LRRCC1: variants seen among roughly 807,000 people sequenced by gnomAD.
LRRCC1 encodes leucine-rich repeat and coiled-coil domain-containing protein 1.
A neutral mutation model predicts 126.0 loss-of-function variants in LRRCC1; 115 were observed. The observed-to-expected ratio is 0.91, with a 90% confidence interval of 0.78 to 1.07. LRRCC1 has a LOEUF of 1.07. LRRCC1 is among the 50% of genes least tolerant of loss of function. The pLI is 0.00. For missense variants in LRRCC1, 1,172 were observed against 1,175.7 expected (o/e 1.00, Z 0.05); for synonymous variants, 400 against 393.4 (o/e 1.02, Z -0.20).
chr8:85,110,206 G>C, intron 3 of LRRCC1, 26 bp downstream of exon 3: 2 of 1,014,764 alleles, frequency 2.0e-6, no homozygotes, highest in East Asian at 2.7e-5. Context: ...TATGTTTTCT[G>C]TATGCTAAAT....
At chr8:85,112,663 C>T (rs908103135) in intron 3 of LRRCC1, among the ~76,000 whole-genome samples, 1 of 152,156 alleles carries the variant, frequency 6.6e-6, no homozygotes, top group Non-Finnish European at 1.5e-5. Flanking sequence ...GTGCATCCAC[C>T]TGGGGAAGTT....
At position 85,135,875 on chromosome 8, in the gene LRRCC1, G is replaced by A. The variant is rs1420046131; in HGVS notation, c.2241G>A (p.Gln747=). The A allele has an allele frequency of 1.2e-6, 2 of 1,607,978 alleles. No individual in the cohort carries two copies. The highest frequency in any genetic ancestry group is 1.7e-6 in the Non-Finnish European group (2 of 1,176,794). Residue 747 remains glutamine (Q), a synonymous_variant, in exon 14 of 19, where the codon CAG becomes CAA. Coordinates refer to ENST00000360375, the MANE Select transcript of LRRCC1 (RefSeq NM_033402.5). ...QIELLKHEKV[Q]LISELAAKES... Reference sequence around the variant, plus strand: ...AACTTCTCAAGCACGAAAAAGTCCAGCTTATTTCTGAGCTAGCAGCCAAGG... The same window carrying A: ...AACTTCTCAAGCACGAAAAAGTCCAACTTATTTCTGAGCTAGCAGCCAAGG...
In LRRCC1 at chr8:85,129,307, T is replaced by C; in HGVS notation, c.1554T>C (p.Leu518=). Residue 518 remains leucine (L), a synonymous_variant, in exon 10 of 19, where the codon CTT becomes CTC. Transcript: ENST00000360375. ...MKAKDQQEDH[L]KHLRTLEKTL... ...CAAAAGATCAACAAGAGGATCACCT[T>C]AAACACTTAAGAACCCTCGAAAAAA... 1 of 1,613,680 alleles carries C rather than the reference T, an allele frequency of 6.2e-7. No individual in the cohort carries two copies. Among genetic ancestry groups the C allele is most frequent in the Non-Finnish European group, 8.5e-7 (1 of 1,179,890 alleles).
At chr8:85,135,674 G>T in intron 13 of LRRCC1, 115 bp from the exon 14 acceptor site, 1 of 606,642 alleles carries the variant, frequency 1.6e-6, no homozygotes, top group Non-Finnish European at 2.4e-6. Context: ...TGTAAAATTT[G>T]GTAATATTTA....
chr8:85,125,336 G>A (rs923117863), intron 8 of LRRCC1, among the ~76,000 whole-genome samples: 2 of 152,006 alleles, frequency 1.3e-5, no homozygotes, highest in African/African-American at 4.8e-5. Flanking sequence ...AGGTTTTCAT[G>A]GACTTTCCTG....
At chr8:85,144,156 C>T (rs1157181547) in intron 18 of LRRCC1, among the ~76,000 whole-genome samples, 3 of 151,882 alleles carry the variant, frequency 2.0e-5, no homozygotes, top group African/African-American at 7.3e-5. Flanking sequence ...ATATAACCAC[C>T]AACAGTGTTT....
At chr8:85,144,763 C>A (rs1811544258) in intron 18 of LRRCC1, among the ~76,000 whole-genome samples, 1 of 140,080 alleles carries the variant, frequency 7.1e-6, no homozygotes, top group Non-Finnish European at 1.6e-5. Flanking sequence ...CACACCCGGC[C>A]AAGTTAAAAT....
At chr8:85,141,550 T>C (rs773123697) in intron 18 of LRRCC1, 33 bp downstream of exon 18, 1 of 1,469,906 alleles carries the variant, frequency 6.8e-7, no homozygotes, top group Non-Finnish European at 9.3e-7. Context: ...CAATAATCAG[T>C]ATATTACATG....
chr8:85,124,605 A>C (rs1367759327), intron 7 of LRRCC1, among the ~76,000 whole-genome samples, 187 bp from the exon 8 acceptor site: 1 of 152,136 alleles, frequency 6.6e-6, no homozygotes, highest in Non-Finnish European at 1.5e-5. Context: ...TTAAAATCTT[A>C]AGGCACTCAT....
chr8:85,142,367 T>A (rs966376414), intron 18 of LRRCC1, among the ~76,000 whole-genome samples: 3 of 152,170 alleles, frequency 2.0e-5, no homozygotes, highest in African/African-American at 7.2e-5. Context: ...ACTCAGGTAT[T>A]TTTTTAATTC....
chr8:85,118,946 A>T (rs1477179748), intron 6 of LRRCC1, among the ~76,000 whole-genome samples: 1 of 152,140 alleles, frequency 6.6e-6, no homozygotes, highest in African/African-American at 2.4e-5. Context: ...TACCAAAATA[A>T]CATTCTCCTG....
At chr8:85,130,135 A>ATTTT in intron 11 of LRRCC1, 77 bp downstream of exon 11, 9 of 628,212 alleles carry the variant, frequency 1.4e-5, no homozygotes, top group South Asian at 3.0e-5. Context: ...CACTACCAGT[A>ATTTT]TTTTTTTTTT....
intron 3 of LRRCC1, among the ~76,000 whole-genome samples, chr8:85,112,396 A>G (rs1179704536): frequency 6.6e-6 from 1 of 152,214 alleles, no homozygotes; most frequent in African/African-American, 2.4e-5. Context: ...CTGGCATTGT[A>G]CAATTAGTAC....
chr8:85,131,940 T>A lies in LRRCC1; in HGVS notation c.1947T>A (p.Val649=), dbSNP rs756264306. ...ATGAATTCCGTATTGCTTTAACTGT[T>A]GAAGCCAGAAGATTTCAAGATGTAA... ...LENEFRIALT[V]EARRFQDVKD... The change falls in exon 12 of 19, where the codon GTT becomes GTA. Residue 649 remains valine, a synonymous_variant. Transcript: ENST00000360375. 1.9e-6 allele frequency: 3 copies of A among 1,611,824 alleles called. No individual in the cohort carries two copies. Among genetic ancestry groups the A allele is most frequent in the Non-Finnish European group, 2.5e-6 (3 of 1,179,512 alleles).
intron 6 of LRRCC1, among the ~76,000 whole-genome samples, chr8:85,118,397 A>G (rs950557834): frequency 1.9e-4 from 29 of 152,060 alleles, no homozygotes; most frequent in African/African-American, 6.8e-4. Context: ...AAACAGCTAT[A>G]AGTGCAGTTT....
intron 13 of LRRCC1, among the ~76,000 whole-genome samples, chr8:85,135,427 C>A (rs1810780719): frequency 6.6e-6 from 1 of 152,024 alleles, no homozygotes; most frequent in African/African-American, 2.4e-5. Context: ...AAATTAATGT[C>A]TTTATTGCTG....
At chr8:85,131,710 T>C (rs117479408) in intron 11 of LRRCC1, 50 bp from the exon 12 acceptor site, 22,413 of 1,401,430 alleles carry the variant, frequency 0.016, 214 homozygotes, top group Middle Eastern at 0.027. Context: ...TTAAAATGTT[T>C]CTTTTCAGGT....
intron 10 of LRRCC1, among the ~76,000 whole-genome samples, chr8:85,129,656 G>A (rs1479171621): frequency 6.6e-6 from 1 of 152,200 alleles, no homozygotes; most frequent in Admixed American, 6.5e-5. Context: ...AGGCTTTCAG[G>A]TGATTGAAGG....
At position 85,110,180 on chromosome 8, in the gene LRRCC1, G is replaced by C. The variant is rs1808597013; in HGVS notation, c.376G>C (p.Gly126Arg). 1 of 1,280,262 alleles carries C rather than the reference G, an allele frequency of 7.8e-7. No individual in the cohort carries two copies. Among genetic ancestry groups the C allele is most frequent in the Non-Finnish European group, 1.1e-6 (1 of 928,854 alleles). 79.3% of individuals were successfully genotyped at this position (1,280,262 alleles called of 1,614,324 possible). The change falls in exon 3 of 19, where the codon GGA becomes CGA. Residue 126 changes from glycine (G) to arginine (R), a missense_variant and splice_region_variant. Physicochemically the swap from Gly to Arg is moderately radical, Grantham distance 125. Coordinates refer to ENST00000360375, the MANE Select transcript of LRRCC1 (RefSeq NM_033402.5). ...TTATAACCACATAGATGATCTTAGTGGTAAGTAGAAATGCTTATGTTTTCT... is the reference window on the plus strand; with the variant it reads ...TTATAACCACATAGATGATCTTAGTCGTAAGTAGAAATGCTTATGTTTTCT... ...VSYNHIDDLS[G>R]LIPLHGIKHK...
Sources: gnomAD v4.1 joint callset for allele counts (sites outside exome capture counted in the v4.1 genomes callset) on GRCh38, gnomAD v4.1.1 for gene constraint, MANE v1.5 for transcripts, NCBI Gene and HGNC (gene_info 2026-07-23, HGNC 2026-07-21) for gene names.